TENM3: variants seen among roughly 807,000 people sequenced by gnomAD.
The protein encoded by TENM3 is teneurin-3.
Under a neutral mutation model 255.1 loss-of-function variants are expected in TENM3, and 63 were observed. The observed-to-expected ratio is 0.25, with a 90% CI of 0.20 to 0.30. The LOEUF is 0.30. Among genes scored for constraint, TENM3 ranks in the 10% least tolerant of loss-of-function variants. The probability of loss-of-function intolerance (pLI) is 1.00; values close to 1 mark genes in which losing one functional copy is unlikely to be tolerated. For missense variants in TENM3, 2,929 were observed against 3,461.1 expected, an observed-to-expected ratio of 0.85 and a Z score of 3.86; for synonymous variants, 1,306 against 1,322.3, an observed-to-expected ratio of 0.99 and a Z score of 0.27.
chr4:181,553,736 C>A, the TENM3 span, among the ~76,000 whole-genome samples: 2 of 152,058 alleles, frequency 1.3e-5, no homozygotes, highest in Non-Finnish European at 2.9e-5. Context: ...CCACCGCGCC[C>A]GGCCAATAGA....
the TENM3 span, among the ~76,000 whole-genome samples, chr4:181,892,292 C>T: frequency 2.3e-3 from 350 of 152,216 alleles, 3 homozygotes; most frequent in African/African-American, 7.7e-3. Context: ...ATATATGCTT[C>T]GCAAAGTTTC....
At chr4:181,522,493 C>T in the TENM3 span, among the ~76,000 whole-genome samples, 3 of 152,154 alleles carry the variant, frequency 2.0e-5, no homozygotes, top group Non-Finnish European at 2.9e-5. Flanking sequence ...ATTAGAAAGA[C>T]TGTGGTGATA....
chr4:181,929,267 G>A, the TENM3 span, among the ~76,000 whole-genome samples: 3 of 151,906 alleles, frequency 2.0e-5, no homozygotes, highest in Non-Finnish European at 4.4e-5. Context: ...TCAGTGTGCT[G>A]TGTTCAGGAG....
the TENM3 span, among the ~76,000 whole-genome samples, chr4:181,845,561 C>G: frequency 6.6e-6 from 1 of 152,142 alleles, no homozygotes; most frequent in South Asian, 2.1e-4. Flanking sequence ...AGCGTTTGTG[C>G]AACCTCCCTA....
the TENM3 span, among the ~76,000 whole-genome samples, chr4:181,554,739 C>T: frequency 6.6e-6 from 1 of 152,140 alleles, no homozygotes; most frequent in South Asian, 2.1e-4. Flanking sequence ...AAGTGGAAAA[C>T]GTTTCATACT....
chr4:181,780,997 C>T, the TENM3 span, among the ~76,000 whole-genome samples: 33 of 152,094 alleles, frequency 2.2e-4, no homozygotes, highest in Non-Finnish European at 4.0e-4. Context: ...GTTTTGGTAC[C>T]AGTACCATGC....
chr4:182,104,607 G>C, the TENM3 span, among the ~76,000 whole-genome samples: 1 of 147,316 alleles, frequency 6.8e-6, no homozygotes, highest in Non-Finnish European at 1.5e-5. Flanking sequence ...TGCCTCCCGG[G>C]TTCAAGGGAT....
At chr4:182,482,373 AATAC>A (rs1331141577) in intron 3 of TENM3, among the ~76,000 whole-genome samples, 20 of 152,174 alleles carry the variant, frequency 1.3e-4, no homozygotes, top group African/African-American at 4.6e-4. Flanking sequence ...CTATGAACAT[AATAC>A]ATACATTGAT....
At chr4:182,714,686 C>G (rs1044845779) in intron 13 of TENM3, among the ~76,000 whole-genome samples, 1 of 152,172 alleles carries the variant, frequency 6.6e-6, no homozygotes, top group Non-Finnish European at 1.5e-5. Flanking sequence ...ATGCTGTACT[C>G]TAGTGACGTT....
At chr4:181,524,001 C>T in the TENM3 span, among the ~76,000 whole-genome samples, 6 of 152,070 alleles carry the variant, frequency 3.9e-5, no homozygotes, top group South Asian at 1.0e-3. Context: ...TTCCTTTTTC[C>T]TCTCCATCTT....
At chr4:182,193,874 A>C (rs146228926) in intron 1 of TENM3, among the ~76,000 whole-genome samples, 1 of 152,310 alleles carries the variant, frequency 6.6e-6, no homozygotes. Flanking sequence ...TTATGTGTGC[A>C]CTCACCCAGG....
chr4:181,674,737 G>A, the TENM3 span, among the ~76,000 whole-genome samples: 1 of 152,106 alleles, frequency 6.6e-6, no homozygotes, highest in Admixed American at 6.6e-5. Flanking sequence ...GCAGGTCAAT[G>A]TGCATACTCT....
intron 24 of TENM3, among the ~76,000 whole-genome samples, chr4:182,779,698 C>T (rs1225897293): frequency 6.6e-6 from 1 of 151,632 alleles, no homozygotes; most frequent in Non-Finnish European, 1.5e-5. Context: ...GTTCCTATTT[C>T]TCCACATCCT....
chr4:182,397,614 A>G (rs1417974449), intron 3 of TENM3, among the ~76,000 whole-genome samples: 4 of 152,052 alleles, frequency 2.6e-5, no homozygotes, highest in Non-Finnish European at 5.9e-5. Flanking sequence ...TTAGAATCAC[A>G]CTTACCGGGG....
the TENM3 span, among the ~76,000 whole-genome samples, chr4:181,947,806 C>T: frequency 6.6e-6 from 1 of 152,118 alleles, no homozygotes; most frequent in African/African-American, 2.4e-5. Context: ...AAAATCTGAA[C>T]TGTAAAATGA....
the TENM3 span, among the ~76,000 whole-genome samples, chr4:181,706,321 G>A: frequency 2.0e-5 from 3 of 152,236 alleles, no homozygotes; most frequent in South Asian, 2.1e-4. Context: ...CAAATCCCTA[G>A]CATTCTGAGA....
chr4:182,161,757 A>G, intron 1 of TENM3, among the ~76,000 whole-genome samples: 1 of 65,798 alleles, frequency 1.5e-5, no homozygotes, highest in African/African-American at 7.1e-5. Context: ...GTATATATAT[A>G]CATATATATG....
chr4:182,523,053 G>A (rs1171217732), intron 3 of TENM3, among the ~76,000 whole-genome samples: 2 of 152,094 alleles, frequency 1.3e-5, no homozygotes, highest in Non-Finnish European at 2.9e-5. Context: ...GCTTCATGAT[G>A]TTGAGCATTT....
chr4:181,506,839 A>G, the TENM3 span, among the ~76,000 whole-genome samples: 7 of 152,122 alleles, frequency 4.6e-5, no homozygotes, highest in Admixed American at 1.3e-4. Flanking sequence ...GTGTATTCCA[A>G]TATTATGTGG....
Sources: allele counts gnomAD v4.1 joint callset (sites outside exome capture counted in the v4.1 genomes callset), GRCh38; gene constraint gnomAD v4.1.1; transcripts MANE v1.5; gene names NCBI Gene and HGNC (gene_info 2026-07-23, HGNC 2026-07-21).